Variants in CADPS observed in about 807,000 individuals in gnomAD.
CADPS encodes the protein calcium dependent secretion activator.
CADPS carries 57 observed loss-of-function variants against 167.3 expected under a neutral mutation model. That is an observed-to-expected ratio of 0.34 (90% CI 0.28 to 0.42). CADPS has a LOEUF of 0.42. CADPS is among the 20% of genes least tolerant of loss of function. CADPS has a pLI of 1.00. For synonymous variants in CADPS, 676 were observed against 635.3 expected, an observed-to-expected ratio of 1.06 and a Z score of -0.96; for missense variants, 1,414 against 1,738.1, an observed-to-expected ratio of 0.81 and a Z score of 3.32.
At chr3:62,846,128 C>T in intron 1 of CADPS, among the ~76,000 whole-genome samples, 1 of 151,926 alleles carries the variant, frequency 6.6e-6, no homozygotes, top group East Asian at 1.9e-4. Flanking sequence ...CTCCCTTCTA[C>T]CATGATTGTA....
intron 6 of CADPS, among the ~76,000 whole-genome samples, chr3:62,600,841 G>A (rs998361974): frequency 6.6e-6 from 1 of 152,158 alleles, no homozygotes; most frequent in Non-Finnish European, 1.5e-5. Flanking sequence ...ATAGCCAGAT[G>A]GGAATAGTGG....
intron 8 of CADPS, among the ~76,000 whole-genome samples, chr3:62,577,238 G>A (rs931048392): frequency 6.6e-6 from 1 of 151,974 alleles, no homozygotes; most frequent in Non-Finnish European, 1.5e-5. Context: ...TCTCTCATAT[G>A]GTATTTGTGA....
intron 17 of CADPS, among the ~76,000 whole-genome samples, chr3:62,506,202 A>G (rs2066651269): frequency 6.6e-6 from 1 of 152,154 alleles, no homozygotes; most frequent in Admixed American, 6.5e-5. Flanking sequence ...ATCCTGGCCA[A>G]CATGGTGAAA....
chr3:62,670,792 T>C (rs1047654902), intron 3 of CADPS, among the ~76,000 whole-genome samples: 1 of 152,176 alleles, frequency 6.6e-6, no homozygotes, highest in Non-Finnish European at 1.5e-5. Context: ...CCTCTTCTTT[T>C]CCTTTCTACC....
intron 6 of CADPS, among the ~76,000 whole-genome samples, chr3:62,633,387 C>T (rs1226364670): frequency 7.9e-5 from 12 of 152,112 alleles, no homozygotes; most frequent in Non-Finnish European, 1.5e-4. Context: ...TACATAAATC[C>T]AACCAGGTTA....
chr3:62,529,458 G>T (rs1420489266), intron 13 of CADPS, among the ~76,000 whole-genome samples: 1 of 152,168 alleles, frequency 6.6e-6, no homozygotes, highest in African/African-American at 2.4e-5. Flanking sequence ...CTTCCTCTCC[G>T]AAGCCTTGTC....
At chr3:62,838,572 G>T (rs1358005515) in intron 1 of CADPS, among the ~76,000 whole-genome samples, 1 of 152,096 alleles carries the variant, frequency 6.6e-6, no homozygotes, top group East Asian at 1.9e-4. Context: ...TTTCAAAAGG[G>T]TTAAGAACAC....
rs1225308151 is a variant in CADPS, at chr3:62,499,027, ACTTTCATTCC to A, written c.2706+125_2706+134del. 3 of 548,372 alleles carry A rather than the reference ACTTTCATTCC, an allele frequency of 5.5e-6. No individual in the cohort carries two copies. In the East Asian group the frequency reaches 8.5e-5, roughly 16 times the overall value. The allele number at this position is 548,372 out of a possible 1,614,324, so 34.0% of individuals were successfully genotyped here. A position where few individuals can be genotyped will look rare whatever the true frequency, so the allele number is the denominator to read the frequency against. On this transcript the variant is annotated intron_variant, in intron 18 of 29. Coordinates refer to ENST00000383710, the MANE Select transcript of CADPS (RefSeq NM_003716.4). Reference sequence around the variant, plus strand: ...TCCAAAGACTTCTTGCAAAACTTCCACTTTCATTCCCTTTGCAATCCCAGTTAAAAGAAAA... The same window carrying A: ...TCCAAAGACTTCTTGCAAAACTTCCACTTTGCAATCCCAGTTAAAAGAAAA...
At chr3:62,585,449 G>T in intron 7 of CADPS, 125 bp from the exon 8 acceptor site, 1 of 902,528 alleles carries the variant, frequency 1.1e-6, no homozygotes, top group Non-Finnish European at 1.6e-6. Context: ...GCCATACCTG[G>T]GGATAGAAAC....
At chr3:62,595,542 G>A (rs1406932294) in intron 6 of CADPS, among the ~76,000 whole-genome samples, 1 of 152,168 alleles carries the variant, frequency 6.6e-6, no homozygotes, top group African/African-American at 2.4e-5. Flanking sequence ...TGCAAGTTTG[G>A]AACAGGTTGA....
chr3:62,660,281 C>A (rs2072855561), intron 4 of CADPS, among the ~76,000 whole-genome samples: 1 of 152,142 alleles, frequency 6.6e-6, no homozygotes, highest in Admixed American at 6.5e-5. Flanking sequence ...TGGGAATATA[C>A]TCGTTGTCTA....
At chr3:62,519,778 C>T (rs1236920487) in intron 13 of CADPS, among the ~76,000 whole-genome samples, 6 of 150,682 alleles carry the variant, frequency 4.0e-5, no homozygotes, top group African/African-American at 1.2e-4. Flanking sequence ...AGCTACCATG[C>T]TTAACAAAAA....
chr3:62,695,076 TG>T (rs758797497), intron 3 of CADPS, among the ~76,000 whole-genome samples: 4 of 152,086 alleles, frequency 2.6e-5, no homozygotes, highest in Non-Finnish European at 5.9e-5. Context: ...TTATATTATA[TG>T]AGTTTTATTG....
intron 28 of CADPS, chr3:62,403,829 C>CA (rs1707326925): frequency 6.6e-6 from 1 of 151,990 alleles, no homozygotes; most frequent in African/African-American, 2.4e-5. Context: ...ATCTTAACAC[C>CA]AAAAAATTAT....
chr3:62,856,702 C>T (rs1281659601), intron 1 of CADPS, among the ~76,000 whole-genome samples: 1 of 151,748 alleles, frequency 6.6e-6, no homozygotes, highest in African/African-American at 2.4e-5. Flanking sequence ...AATATTAATA[C>T]AATAAAAATT....
At chr3:62,771,560 C>G (rs952545699) in intron 1 of CADPS, among the ~76,000 whole-genome samples, 1 of 152,106 alleles carries the variant, frequency 6.6e-6, no homozygotes, top group African/African-American at 2.4e-5. Context: ...CAACTCTAAA[C>G]AAACAAATGG....
chr3:62,599,724 T>C (rs150271598), intron 6 of CADPS, among the ~76,000 whole-genome samples: 6,826 of 17,642 alleles, frequency 0.39, 1,378 homozygotes, highest in Non-Finnish European at 0.51. Flanking sequence ...ATATAATATA[T>C]ATAGTATATA....
chr3:62,739,212 A>G (rs892238281), intron 3 of CADPS, among the ~76,000 whole-genome samples: 4 of 152,208 alleles, frequency 2.6e-5, no homozygotes, highest in Non-Finnish European at 5.9e-5. Flanking sequence ...TCCAATGGCC[A>G]TGTGAAAAAG....
chr3:62,571,567 CTTT>C (rs750711541), intron 8 of CADPS, among the ~76,000 whole-genome samples: 1 of 144,238 alleles, frequency 6.9e-6, no homozygotes. Context: ...ATAAATATTA[CTTT>C]TTTTTTTTTT....
Sources: gnomAD v4.1 joint callset for allele counts (sites outside exome capture counted in the v4.1 genomes callset) on GRCh38, gnomAD v4.1.1 for gene constraint, MANE v1.5 for transcripts, NCBI Gene and HGNC (gene_info 2026-07-23, HGNC 2026-07-21) for gene names.